TMEM232: variants seen among roughly 807,000 people sequenced by gnomAD.
The protein encoded by TMEM232 is transmembrane protein 232.
Under a neutral mutation model 78.8 loss-of-function variants are expected in TMEM232, and 80 were observed. The ratio of observed to expected loss-of-function variants is 1.01; its 90% confidence interval spans 0.85 to 1.22. TMEM232 has a LOEUF of 1.22. Ranked by LOEUF, TMEM232 falls within the 50% of genes most tolerant of loss-of-function variation. The probability of loss-of-function intolerance (pLI) is 0.00; values close to 1 mark genes in which losing one functional copy is unlikely to be tolerated. For synonymous variants in TMEM232, 297 were observed against 254.3 expected (o/e 1.17, Z -1.60); for missense variants, 881 against 742.2 (o/e 1.19, Z -2.17).
chr5:110,387,452 T>G (rs893708137), intron 5 of TMEM232: 7 of 152,180 alleles, frequency 4.6e-5, no homozygotes, highest in African/African-American at 1.4e-4. Flanking sequence ...AGAGAAAATT[T>G]TATTTAGTTA....
At chr5:110,431,576 C>T (rs931969806) in intron 12 of TMEM232, among the ~76,000 whole-genome samples, 2 of 151,612 alleles carry the variant, frequency 1.3e-5, no homozygotes, top group African/African-American at 4.8e-5. Context: ...GGGCAAATCT[C>T]ACACACAGAA....
chr5:110,419,584 T>C lies in TMEM232; in HGVS notation c.*996A>G, dbSNP rs978245113. Among the ~76,000 whole-genome samples the C allele has an allele frequency of 6.6e-6, 1 of 152,102 alleles. No individual in the cohort carries two copies. Among genetic ancestry groups the C allele is most frequent in the Non-Finnish European group, 1.5e-5 (1 of 67,954 alleles). On this transcript the variant is annotated 3_prime_UTR_variant, in exon 14 of 14. Transcript: ENST00000455884. The stretch of plus-strand genomic sequence containing the variant: ...GATGATTTTACAATACTGACATACA[T>C]TTTGGAATGTAACCGAGTGATGGGA...
intron 5 of TMEM232, among the ~76,000 whole-genome samples, chr5:110,636,270 G>A (rs1785818161): frequency 6.6e-6 from 1 of 151,870 alleles, no homozygotes; most frequent in Non-Finnish European, 1.5e-5. Flanking sequence ...AAAAGGGTGG[G>A]TAAATGGGAG....
intron 13 of TMEM232, among the ~76,000 whole-genome samples, chr5:110,422,203 C>A (rs1756712127): frequency 6.6e-6 from 1 of 152,032 alleles, no homozygotes; most frequent in South Asian, 2.1e-4. Context: ...CTAATCTATC[C>A]TGTATGAAAT....
At chr5:110,668,699 T>C (rs1377062333) in intron 1 of TMEM232, among the ~76,000 whole-genome samples, 3 of 152,150 alleles carry the variant, frequency 2.0e-5, no homozygotes, top group African/African-American at 7.2e-5. Flanking sequence ...CACATCGCAC[T>C]TATTCCAAAA....
intron 1 of TMEM232, among the ~76,000 whole-genome samples, chr5:110,709,296 A>G (rs997825861): frequency 2.6e-5 from 4 of 152,166 alleles, no homozygotes; most frequent in African/African-American, 4.8e-5. Context: ...GGAGACTTCA[A>G]TACCCCACTT....
intron 7 of TMEM232, among the ~76,000 whole-genome samples, chr5:110,622,836 A>C (rs1580396371): frequency 1.6e-5 from 2 of 124,552 alleles, no homozygotes; most frequent in Non-Finnish European, 3.3e-5. Flanking sequence ...ACTCTGGGGA[A>C]TGTTGTGGGG....
chr5:110,671,090 C>G (rs1791294505), intron 1 of TMEM232, among the ~76,000 whole-genome samples: 2 of 151,830 alleles, frequency 1.3e-5, no homozygotes, highest in Non-Finnish European at 2.9e-5. Context: ...ACACCAAAAG[C>G]TATGAACAGA....
At chr5:110,682,127 A>T (rs1482772669) in intron 1 of TMEM232, among the ~76,000 whole-genome samples, 1 of 152,200 alleles carries the variant, frequency 6.6e-6, no homozygotes, top group African/African-American at 2.4e-5. Context: ...CTTTTACATC[A>T]CTGTCAAGAA....
chr5:110,609,722 T>C (rs1781959001), intron 8 of TMEM232, among the ~76,000 whole-genome samples: 1 of 152,140 alleles, frequency 6.6e-6, no homozygotes. Context: ...CATTGAGTGT[T>C]GTAATTTTTA....
At chr5:110,446,374 G>C (rs1759648681) in intron 12 of TMEM232, among the ~76,000 whole-genome samples, 1 of 152,168 alleles carries the variant, frequency 6.6e-6, no homozygotes, top group African/African-American at 2.4e-5. Flanking sequence ...CAGCTGTGCA[G>C]ATTAAACAAG....
At chr5:110,401,283 CT>C (rs1278936876) in intron 2 of TMEM232, among the ~76,000 whole-genome samples, 5,057 of 143,704 alleles carry the variant, frequency 0.035, 295 homozygotes, top group African/African-American at 0.12. Context: ...ACACAACATT[CT>C]TTTTTTTTTT....
At chr5:110,431,046 A>G (rs1055683179) in intron 12 of TMEM232, among the ~76,000 whole-genome samples, 3 of 151,662 alleles carry the variant, frequency 2.0e-5, no homozygotes, top group Admixed American at 1.3e-4. Context: ...CCAGGAGAGT[A>G]CTTGGCAATC....
At chr5:110,482,314 C>T (rs963588209) in intron 12 of TMEM232, among the ~76,000 whole-genome samples, 1 of 152,084 alleles carries the variant, frequency 6.6e-6, no homozygotes, top group Non-Finnish European at 1.5e-5. Context: ...GGCATCGTGG[C>T]TCACTGCTGT....
At position 110,568,646 on chromosome 5, in the gene TMEM232, T is replaced by A. The variant is rs761974288; in HGVS notation, c.1277-21A>T. ...ATCACCTGTTTAAAAAGAAAAAGTCTTTGGGAATTATCATTTTATTCACCT... is the reference window on the plus strand; with the variant it reads ...ATCACCTGTTTAAAAAGAAAAAGTCATTGGGAATTATCATTTTATTCACCT... On this transcript the variant is annotated intron_variant, in intron 10 of 13. Transcript: ENST00000455884. 8 of 1,518,924 alleles carry A rather than the reference T, an allele frequency of 5.3e-6. 1 individual carries two copies. 94.1% of individuals were successfully genotyped at this position (1,518,924 alleles called of 1,614,324 possible).
chr5:110,524,567 G>A (rs1377715140), intron 12 of TMEM232, among the ~76,000 whole-genome samples: 1 of 152,138 alleles, frequency 6.6e-6, no homozygotes, highest in Non-Finnish European at 1.5e-5. Flanking sequence ...GACCTAACAT[G>A]TGATCTATGC....
chr5:110,438,795 T>G (rs989082541), intron 12 of TMEM232, among the ~76,000 whole-genome samples: 3 of 152,082 alleles, frequency 2.0e-5, no homozygotes, highest in Non-Finnish European at 4.4e-5. Context: ...GCCATCTAAT[T>G]CTTCGGTAGT....
upstream of TMEM232, among the ~76,000 whole-genome samples, chr5:110,727,631 G>A (rs1277001258): frequency 2.0e-5 from 3 of 151,988 alleles, no homozygotes; most frequent in East Asian, 1.9e-4. Flanking sequence ...ATACTAAAAC[G>A]TAATATACAG....
chr5:110,459,378 G>C (rs2149351471), intron 12 of TMEM232, among the ~76,000 whole-genome samples: 2 of 152,128 alleles, frequency 1.3e-5, no homozygotes, highest in South Asian at 4.1e-4. Context: ...CACCGAGTTT[G>C]ATCTTAAAAA....
Sources: allele counts gnomAD v4.1 joint callset (sites outside exome capture counted in the v4.1 genomes callset), GRCh38; gene constraint gnomAD v4.1.1; transcripts MANE v1.5; gene names NCBI Gene and HGNC (gene_info 2026-07-23, HGNC 2026-07-21).